Variants in ROCK1 observed in about 807,000 individuals in gnomAD.
ROCK1 encodes the protein rho-associated protein kinase 1.
Under a neutral mutation model 196.8 loss-of-function variants are expected in ROCK1, and 36 were observed. That is an observed-to-expected ratio of 0.18 (90% CI 0.14 to 0.24). The LOEUF is 0.24. ROCK1 is among the 10% of genes least tolerant of loss of function. The probability of loss-of-function intolerance (pLI) is 1.00; values close to 1 mark genes in which losing one functional copy is unlikely to be tolerated. For missense variants in ROCK1, 920 were observed against 1,562.0 expected (o/e 0.59, Z 6.93); for synonymous variants, 443 against 515.9 (o/e 0.86, Z 1.91).
chr18:20,991,178 C>T lies in ROCK1; in HGVS notation c.2141G>A (p.Cys714Tyr). ...SIEEAKSVAM[C>Y]EMEKKLKEER... ...AAAATATTAAAACTGACACTTACCA[C>T]ACATTGCCACAGACTTTGCCTCTTC... The change falls in exon 18 of 33, where the codon TGT becomes TAT. Residue 714 changes from cysteine (C) to tyrosine (Y), a missense_variant and splice_region_variant. Around this residue, in one of 6 missense-constraint regions of ROCK1, gnomAD observed 520 missense variants for 657.1 expected, o/e 0.79. Transcript: ENST00000399799. 3 of 1,586,650 alleles carry T rather than the reference C, an allele frequency of 1.9e-6. No individual in the cohort carries two copies. The highest frequency in any genetic ancestry group is 1.4e-5 in the African/African-American group (1 of 73,196).
At chr18:21,018,226 A>G (rs978831815) in intron 12 of ROCK1, among the ~76,000 whole-genome samples, 19 of 151,484 alleles carry the variant, frequency 1.3e-4, no homozygotes, top group African/African-American at 4.1e-4. Context: ...TTGTCTTTTA[A>G]TTTTGTTTAA....
At chr18:21,032,510 T>G (rs1398561267) in intron 9 of ROCK1, among the ~76,000 whole-genome samples, 1 of 150,154 alleles carries the variant, frequency 6.7e-6, no homozygotes, top group Non-Finnish European at 1.5e-5. Flanking sequence ...AGGAAAGTTT[T>G]TTTTTTTTTT....
chr18:21,047,920 A>T (rs1244923701), intron 4 of ROCK1, among the ~76,000 whole-genome samples: 3 of 152,200 alleles, frequency 2.0e-5, no homozygotes, highest in Non-Finnish European at 4.4e-5. Context: ...TCACAAAAAC[A>T]TGTTAGAAAA....
At chr18:21,079,314 T>C (rs2036462808) in intron 1 of ROCK1, among the ~76,000 whole-genome samples, 1 of 152,214 alleles carries the variant, frequency 6.6e-6, no homozygotes. Context: ...CTCACCTCCA[T>C]ATTTTTCTGC....
intron 5 of ROCK1, 48 bp from the exon 6 acceptor site, chr18:21,044,234 A>C (rs775332006): frequency 7.1e-7 from 1 of 1,406,984 alleles, no homozygotes; most frequent in Non-Finnish European, 9.9e-7. Flanking sequence ...CAGATTAGAC[A>C]CTGTAAAAAT....
At chr18:21,037,131 G>A (rs950943128) in intron 9 of ROCK1, among the ~76,000 whole-genome samples, 13 of 151,962 alleles carry the variant, frequency 8.6e-5, no homozygotes, top group African/African-American at 2.9e-4. Flanking sequence ...CATTTCTTTT[G>A]TCCTTCTCCT....
chr18:21,058,336 T>C (rs1286330306), intron 2 of ROCK1, among the ~76,000 whole-genome samples: 1 of 152,176 alleles, frequency 6.6e-6, no homozygotes, highest in East Asian at 1.9e-4. Context: ...AAACGTACCA[T>C]TACTTTATGT....
intron 5 of ROCK1, 42 bp downstream of exon 5, chr18:21,045,250 T>TC (rs1371440805): frequency 1.3e-6 from 2 of 1,496,832 alleles, no homozygotes; most frequent in East Asian, 4.8e-5. Context: ...TTTAGCTATT[T>TC]CCCTCAACAA....
In ROCK1 at chr18:20,980,250, C is replaced by A. The variant is rs1327875236; in HGVS notation, c.2560-246G>T. Among the ~76,000 whole-genome samples, 7 of 149,184 alleles carry A rather than the reference C, an allele frequency of 4.7e-5. No homozygotes were observed. The highest frequency in any genetic ancestry group is 8.9e-5 in the Non-Finnish European group (6 of 67,302). ...ATCAATACATGGGTTAAAAAAAAAA[C>A]AAAAAACAAAACTGTGGTTAATTCA... On this transcript the variant is annotated intron_variant, in intron 21 of 32. Coordinates refer to ENST00000399799, the MANE Select transcript of ROCK1 (RefSeq NM_005406.3).
intron 16 of ROCK1, among the ~76,000 whole-genome samples, chr18:21,001,690 G>T (rs543178002): frequency 6.6e-6 from 1 of 152,042 alleles, no homozygotes; most frequent in African/African-American, 2.4e-5. Flanking sequence ...ACTTGAACCT[G>T]GGAGGCAGAG....
At chr18:21,071,500 T>C (rs538116540) in intron 1 of ROCK1, among the ~76,000 whole-genome samples, 10 of 152,228 alleles carry the variant, frequency 6.6e-5, no homozygotes, top group Non-Finnish European at 1.0e-4. Flanking sequence ...TAAGTGGATA[T>C]TTAAATATTA....
intron 1 of ROCK1, among the ~76,000 whole-genome samples, chr18:21,107,256 C>A (rs972455094): frequency 6.6e-6 from 1 of 152,132 alleles, no homozygotes; most frequent in African/African-American, 2.4e-5. Flanking sequence ...GGATGCTATT[C>A]ATCATTAGTG....
chr18:21,104,632 C>T (rs1323671657), intron 1 of ROCK1, among the ~76,000 whole-genome samples: 1 of 151,968 alleles, frequency 6.6e-6, no homozygotes. Context: ...CATATCTCAG[C>T]CGTTACTCTG....
chr18:21,053,832 A>AG (rs773394142), intron 2 of ROCK1, among the ~76,000 whole-genome samples: 79 of 151,918 alleles, frequency 5.2e-4, no homozygotes, highest in Admixed American at 1.9e-3. Context: ...CTTTTAGGGG[A>AG]GGGAAAAAAA....
chr18:21,078,768 C>T (rs1229557735), intron 1 of ROCK1, among the ~76,000 whole-genome samples: 1 of 152,166 alleles, frequency 6.6e-6, no homozygotes, highest in Non-Finnish European at 1.5e-5. Context: ...ACTTTACAAG[C>T]TTGTAATGCT....
chr18:20,967,876 T>C lies in ROCK1; in HGVS notation c.3068A>G (p.Asn1023Ser). The change falls in exon 26 of 33, where the codon AAT becomes AGT. Residue 1023 changes from asparagine to serine, a missense_variant. By Grantham distance (46) the Asn-to-Ser change is conservative. Transcript: ENST00000399799. ...KDFKIDRKKA[N>S]TQDLRKKEKE... is the part of the protein sequence containing the mutation. ...TTCTTTCTTTCTCAAATCTTGTGTA[T>C]TAGCTTTCTTTCTATCAATTTTAAA... The C allele has an allele frequency of 6.3e-7, 1 of 1,599,158 alleles. No individual in the cohort carries two copies. Among genetic ancestry groups the C allele is most frequent in the Non-Finnish European group, 8.5e-7 (1 of 1,171,312 alleles).
At chr18:21,043,573 A>ATACATT (rs1568392722) in intron 6 of ROCK1, among the ~76,000 whole-genome samples, 1 of 144,640 alleles carries the variant, frequency 6.9e-6, no homozygotes, top group African/African-American at 2.6e-5. Context: ...ACATATACAT[A>ATACATT]ATGTATATGT....
chr18:21,057,584 G>C (rs2036254310), intron 2 of ROCK1, among the ~76,000 whole-genome samples: 1 of 152,176 alleles, frequency 6.6e-6, no homozygotes, highest in Non-Finnish European at 1.5e-5. Context: ...CACTTCAGGA[G>C]GCCAAGGCAG....
intron 22 of ROCK1, among the ~76,000 whole-genome samples, chr18:20,977,666 T>C (rs1472995965): frequency 2.6e-5 from 4 of 152,216 alleles, no homozygotes; most frequent in Admixed American, 1.3e-4. Flanking sequence ...TTGTCTTGAA[T>C]AGATGAAAAA....
Sources: gnomAD v4.1 joint callset for allele counts (sites outside exome capture counted in the v4.1 genomes callset) on GRCh38, gnomAD v4.1.1 for gene constraint, gnomAD v4.1.1 regional missense constraint, MANE v1.5 for transcripts, NCBI Gene and HGNC (gene_info 2026-07-23, HGNC 2026-07-21) for gene names.